Variants in TUSC3 observed in about 807,000 individuals in gnomAD.
The protein encoded by TUSC3 is dolichyl-diphosphooligosaccharide--protein glycosyltransferase subunit TUSC3.
TUSC3 carries 45 observed loss-of-function variants against 44.8 expected under a neutral mutation model. The observed-to-expected ratio is 1.00, with a 90% CI of 0.79 to 1.29. The LOEUF (loss-of-function observed/expected upper bound fraction) is 1.29. Ranked by LOEUF, TUSC3 falls within the 50% of genes most tolerant of loss-of-function variation. The pLI is 0.00. For synonymous variants in TUSC3, 212 were observed against 152.9 expected (o/e 1.39, Z -2.85); for missense variants, 519 against 437.9 (o/e 1.19, Z -1.65).
intron 1 of TUSC3, among the ~76,000 whole-genome samples, chr8:15,450,552 C>G (rs1037054017): frequency 1.3e-5 from 2 of 152,110 alleles, no homozygotes; most frequent in Non-Finnish European, 2.9e-5. Flanking sequence ...CACCTGTAAT[C>G]CTAGCTTTTC....
chr8:15,821,790 T>C, the TUSC3 span, among the ~76,000 whole-genome samples: 2 of 147,966 alleles, frequency 1.4e-5, no homozygotes, highest in Non-Finnish European at 3.0e-5. Context: ...TGTTTGTTTG[T>C]GTTTTGTTCA....
the TUSC3 span, among the ~76,000 whole-genome samples, chr8:15,834,467 A>G: frequency 2.0e-5 from 3 of 152,156 alleles, no homozygotes; most frequent in African/African-American, 7.2e-5. Context: ...TCAGTTAAGA[A>G]CAATACTGTT....
intron 6 of TUSC3, among the ~76,000 whole-genome samples, chr8:15,723,602 G>A (rs935705218): frequency 2.0e-5 from 3 of 152,198 alleles, no homozygotes; most frequent in Non-Finnish European, 4.4e-5. Flanking sequence ...GCCATTTGGT[G>A]TAGAGCCTAG....
intron 9 of TUSC3, among the ~76,000 whole-genome samples, chr8:15,757,510 G>A (rs1458870137): frequency 1.3e-5 from 2 of 152,130 alleles, no homozygotes; most frequent in East Asian, 1.9e-4. Flanking sequence ...TCTAAATGGT[G>A]TGATGATCAG....
At chr8:15,532,948 A>C (rs1801470205) in intron 2 of TUSC3, among the ~76,000 whole-genome samples, 1 of 152,160 alleles carries the variant, frequency 6.6e-6, no homozygotes, top group Non-Finnish European at 1.5e-5. Context: ...GCCTGTCACC[A>C]TGCCCAGCTA....
chr8:15,757,710 A>G (rs373455076), intron 9 of TUSC3, 81 bp from the exon 10 acceptor site: 34 of 1,455,296 alleles, frequency 2.3e-5, no homozygotes, highest in Non-Finnish European at 3.2e-5. Flanking sequence ...TAAATCTTGT[A>G]ATAATATTGT....
intron 1 of TUSC3, among the ~76,000 whole-genome samples, chr8:15,438,082 T>C (rs1258619041): frequency 6.6e-6 from 1 of 152,124 alleles, no homozygotes; most frequent in African/African-American, 2.4e-5. Context: ...TTTTTTAGCT[T>C]TGTTGTCGAT....
At chr8:15,839,956 A>C in the TUSC3 span, among the ~76,000 whole-genome samples, 2 of 152,334 alleles carry the variant, frequency 1.3e-5, no homozygotes, top group East Asian at 3.9e-4. Context: ...TACTCACAAT[A>C]GCAAAGACTT....
intron 1 of TUSC3, among the ~76,000 whole-genome samples, chr8:15,603,498 T>G (rs1417473017): frequency 1.3e-5 from 2 of 151,634 alleles, no homozygotes; most frequent in East Asian, 3.9e-4. Flanking sequence ...GACAGTCTGG[T>G]GAATGAAGCC....
intron 1 of TUSC3, among the ~76,000 whole-genome samples, chr8:15,573,775 A>AT (rs1020684855): frequency 4.5e-4 from 68 of 152,094 alleles, no homozygotes; most frequent in African/African-American, 1.4e-3. Flanking sequence ...CTGAAGGCTG[A>AT]TTTTTTTTAA....
At chr8:15,754,282 C>CATA (rs1402218486) in intron 9 of TUSC3, among the ~76,000 whole-genome samples, 1 of 152,012 alleles carries the variant, frequency 6.6e-6, no homozygotes, top group African/African-American at 2.4e-5. Context: ...AATAGTAAAT[C>CATA]ATAAACTCTA....
At chr8:15,624,682 A>G (rs1451244561) in intron 2 of TUSC3, among the ~76,000 whole-genome samples, 2 of 152,140 alleles carry the variant, frequency 1.3e-5, no homozygotes, top group African/African-American at 4.8e-5. Flanking sequence ...AGGGTTCTTC[A>G]TATATTTAGA....
chr8:15,709,234 G>A (rs1434141660), intron 6 of TUSC3, among the ~76,000 whole-genome samples: 2 of 151,774 alleles, frequency 1.3e-5, no homozygotes, highest in Non-Finnish European at 2.9e-5. Flanking sequence ...ATTAGTTACT[G>A]TTGGAAAAAA....
chr8:15,517,456 G>C (rs1801233076), intron 2 of TUSC3, among the ~76,000 whole-genome samples: 1 of 136,316 alleles, frequency 7.3e-6, no homozygotes, highest in East Asian at 2.3e-4. Context: ...ACACCTACTA[G>C]GGAGATGGTA....
intron 7 of TUSC3, among the ~76,000 whole-genome samples, chr8:15,741,943 C>G (rs973663792): frequency 1.3e-5 from 2 of 152,048 alleles, no homozygotes; most frequent in Non-Finnish European, 2.9e-5. Flanking sequence ...TTTAGTGAAA[C>G]AAGTTTTTAA....
At chr8:15,506,655 T>G (rs1034133904) in intron 2 of TUSC3, among the ~76,000 whole-genome samples, 1 of 152,148 alleles carries the variant, frequency 6.6e-6, no homozygotes, top group Non-Finnish European at 1.5e-5. Context: ...AGTGCCTTTA[T>G]AAAATCATCG....
At chr8:15,710,632 T>A (rs1371088791) in intron 6 of TUSC3, among the ~76,000 whole-genome samples, 1 of 151,780 alleles carries the variant, frequency 6.6e-6, no homozygotes, top group African/African-American at 2.4e-5. Flanking sequence ...CCAGGCTACT[T>A]ATTAAAATGC....
chr8:15,457,209 C>G (rs1800268461), intron 1 of TUSC3, among the ~76,000 whole-genome samples: 1 of 151,464 alleles, frequency 6.6e-6, no homozygotes, highest in South Asian at 2.1e-4. Context: ...GGAGATACAC[C>G]TAAAGTAAAT....
rs114146298 is a variant in TUSC3 at position 15,521,175 on chromosome 8, C to T, written n.189+37692C>T. On this transcript the variant is annotated intron_variant and non_coding_transcript_variant, in intron 2 of 5. Transcript: ENST00000503191. ...TTTAAGCTAATTTTCTGGCTCTTTG[C>T]CTGCCGTTTATGTATAATGGAACTG... 9.3e-3 allele frequency among the ~76,000 whole-genome samples: 1,413 copies of T among 152,246 alleles called. 21 individuals are homozygous for T. The highest frequency in any genetic ancestry group is 0.032 in the African/African-American group (1,335 of 41,536).
Sources: allele counts gnomAD v4.1 joint callset (sites outside exome capture counted in the v4.1 genomes callset), GRCh38; gene constraint gnomAD v4.1.1; transcripts MANE v1.5; gene names NCBI Gene and HGNC (gene_info 2026-07-23, HGNC 2026-07-21).